Variants in LHFPL3 observed in about 807,000 individuals in gnomAD.
LHFPL3 encodes LHFPL tetraspan subfamily member 3 protein.
LHFPL3 carries 5 observed loss-of-function variants against 19.3 expected under a neutral mutation model. That is an observed-to-expected ratio of 0.26 (90% CI 0.14 to 0.54). The LOEUF (loss-of-function observed/expected upper bound fraction) is 0.54. Among genes scored for constraint, LHFPL3 ranks in the 20% least tolerant of loss-of-function variants. LHFPL3 has a pLI of 0.94. For missense variants in LHFPL3, 249 were observed against 307.4 expected (o/e 0.81, Z 1.42); for synonymous variants, 133 against 126.2 (o/e 1.05, Z -0.36).
chr7:104,735,777 C>T (rs1793803521), intron 1 of LHFPL3, among the ~76,000 whole-genome samples: 1 of 152,218 alleles, frequency 6.6e-6, no homozygotes, highest in African/African-American at 2.4e-5. Context: ...GCAGAAATCA[C>T]CTGTCTTCTG....
intron 2 of LHFPL3, among the ~76,000 whole-genome samples, chr7:104,820,950 C>G (rs752250479): frequency 3.3e-5 from 5 of 152,088 alleles, no homozygotes; most frequent in South Asian, 4.1e-4. Flanking sequence ...AGAGAGACAC[C>G]CTCAGTGTTT....
At chr7:104,809,388 A>G (rs868619846) in intron 2 of LHFPL3, among the ~76,000 whole-genome samples, 43 of 152,178 alleles carry the variant, frequency 2.8e-4, no homozygotes, top group African/African-American at 1.0e-3. Context: ...GCTCTTTCCA[A>G]TTTCTACTTA....
intron 1 of LHFPL3, among the ~76,000 whole-genome samples, chr7:104,518,640 C>T (rs996905566): frequency 1.3e-5 from 2 of 152,114 alleles, no homozygotes; most frequent in Non-Finnish European, 2.9e-5. Flanking sequence ...AAAAATTAGC[C>T]AGGCATAGTG....
At chr7:104,397,478 G>T (rs1791214603) in intron 1 of LHFPL3, among the ~76,000 whole-genome samples, 1 of 152,070 alleles carries the variant, frequency 6.6e-6, no homozygotes, top group African/African-American at 2.4e-5. Flanking sequence ...GGGATTCATG[G>T]TTCATCGTTG....
At chr7:104,808,660 C>T (rs770333268) in intron 2 of LHFPL3, among the ~76,000 whole-genome samples, 38 of 152,054 alleles carry the variant, frequency 2.5e-4, no homozygotes, top group Non-Finnish European at 5.0e-4. Context: ...TTGGTCTTTC[C>T]GTTCTATTAG....
intron 2 of LHFPL3, among the ~76,000 whole-genome samples, chr7:104,865,459 G>A (rs1217886021): frequency 6.6e-6 from 1 of 152,128 alleles, no homozygotes; most frequent in Non-Finnish European, 1.5e-5. Context: ...TCGATCAACT[G>A]GAAGAAAGGG....
chr7:104,604,147 A>G lies in LHFPL3; in HGVS notation c.446-132528A>G, dbSNP rs80160959. 4.1e-3 allele frequency among the ~76,000 whole-genome samples: 621 copies of G among 152,262 alleles called. 33 individuals are homozygous for G. In the East Asian group the frequency reaches 0.099, roughly 24 times the overall value. On this transcript the variant is annotated intron_variant, in intron 1 of 2. Coordinates refer to ENST00000424859, the MANE Select transcript of LHFPL3 (RefSeq NM_199000.3). ...CTTTGAAATCTAGGTGGAGACCGCC[A>G]TGGCCCCACAGCTCATGCACTCTGC...
intron 2 of LHFPL3, among the ~76,000 whole-genome samples, chr7:104,773,688 G>GAGA (rs1384796670): frequency 1.3e-5 from 2 of 152,310 alleles, no homozygotes; most frequent in Non-Finnish European, 2.9e-5. Flanking sequence ...TCCTTACAAA[G>GAGA]AGAAGAAACC....
chr7:104,838,749 T>A (rs577773090), intron 2 of LHFPL3, among the ~76,000 whole-genome samples: 1 of 152,320 alleles, frequency 6.6e-6, no homozygotes, highest in African/African-American at 2.4e-5. Flanking sequence ...CTAGTGAAAT[T>A]GAGGAACTGA....
chr7:104,481,238 T>C (rs1037580910), intron 1 of LHFPL3, among the ~76,000 whole-genome samples: 3 of 152,186 alleles, frequency 2.0e-5, no homozygotes, highest in African/African-American at 7.2e-5. Flanking sequence ...AATGAGTTCT[T>C]CTCTGCCTCC....
At chr7:104,819,375 T>TG (rs1237527209) in intron 2 of LHFPL3, among the ~76,000 whole-genome samples, 3 of 120,966 alleles carry the variant, frequency 2.5e-5, no homozygotes, top group African/African-American at 1.0e-4. Flanking sequence ...CATTTAGATC[T>TG]GGAAAAAAAA....
chr7:104,765,751 G>C (rs751888029), intron 2 of LHFPL3, among the ~76,000 whole-genome samples: 1 of 152,188 alleles, frequency 6.6e-6, no homozygotes, highest in South Asian at 2.1e-4. Context: ...CCATGATAGA[G>C]GCTAAATTAT....
intron 1 of LHFPL3, among the ~76,000 whole-genome samples, chr7:104,653,404 G>A (rs1792065124): frequency 1.3e-5 from 2 of 152,334 alleles, no homozygotes; most frequent in Non-Finnish European, 2.9e-5. Flanking sequence ...CACCCAGAGT[G>A]GAACAGCGAG....
At chr7:104,523,941 A>AT (rs1157182136) in intron 1 of LHFPL3, among the ~76,000 whole-genome samples, 1 of 152,214 alleles carries the variant, frequency 6.6e-6, no homozygotes, top group Non-Finnish European at 1.5e-5. Flanking sequence ...GGAATCAATT[A>AT]TTTAAAAAAT....
At chr7:104,464,706 G>A (rs530607372) in intron 1 of LHFPL3, among the ~76,000 whole-genome samples, 3 of 152,228 alleles carry the variant, frequency 2.0e-5, no homozygotes, top group Non-Finnish European at 2.9e-5. Flanking sequence ...GGGATGCAGG[G>A]CACCAAGTTC....
At chr7:104,341,904 A>G (rs1401897686) in intron 1 of LHFPL3, among the ~76,000 whole-genome samples, 2 of 152,064 alleles carry the variant, frequency 1.3e-5, no homozygotes, top group African/African-American at 4.8e-5. Context: ...AAGAATAAAA[A>G]AAAGGATTCA....
intron 1 of LHFPL3, among the ~76,000 whole-genome samples, chr7:104,348,852 C>T (rs757655785): frequency 1.3e-5 from 2 of 152,182 alleles, no homozygotes; most frequent in African/African-American, 4.8e-5. Context: ...ACCTTGTGCG[C>T]GTCTTACCAT....
intron 1 of LHFPL3, among the ~76,000 whole-genome samples, chr7:104,629,677 G>A (rs2115841579): frequency 6.6e-6 from 1 of 152,276 alleles, no homozygotes; most frequent in South Asian, 2.1e-4. Context: ...CTTGCCAACT[G>A]ATGCATACAA....
At chr7:104,530,914 A>G (rs1210035426) in intron 1 of LHFPL3, among the ~76,000 whole-genome samples, 1 of 152,204 alleles carries the variant, frequency 6.6e-6, no homozygotes, top group Non-Finnish European at 1.5e-5. Flanking sequence ...CGATTTACAC[A>G]TACACTTTTT....
Sources: gnomAD v4.1 joint callset for allele counts (sites outside exome capture counted in the v4.1 genomes callset) on GRCh38, gnomAD v4.1.1 for gene constraint, MANE v1.5 for transcripts, NCBI Gene and HGNC (gene_info 2026-07-23, HGNC 2026-07-21) for gene names.